The following F13B variants were observed in gnomAD, a reference collection of about 807,000 sequenced individuals.
F13B encodes the protein coagulation factor XIII B chain.
A neutral mutation model predicts 79.8 loss-of-function variants in F13B; 58 were observed. That is an observed-to-expected ratio of 0.73 (90% CI 0.59 to 0.90). F13B has a LOEUF of 0.90. F13B is among the 40% of genes least tolerant of loss of function. F13B has a pLI of 0.00. For missense variants in F13B, 773 were observed against 777.0 expected (o/e 0.99, Z 0.06); for synonymous variants, 283 against 260.3 (o/e 1.09, Z -0.84).
At chr1:197,048,319 C>A (rs1655309685) in intron 10 of F13B, among the ~76,000 whole-genome samples, 1 of 151,392 alleles carries the variant, frequency 6.6e-6, no homozygotes, top group African/African-American at 2.4e-5. Flanking sequence ...TAGACTATTC[C>A]ATTACAAGGG....
At chr1:197,046,913 G>T (rs1655254565) in intron 10 of F13B, among the ~76,000 whole-genome samples, 1 of 152,096 alleles carries the variant, frequency 6.6e-6, no homozygotes, top group African/African-American at 2.4e-5. Flanking sequence ...AATGGGAAAT[G>T]ATTTCCTATT....
Position 197,052,665 on chromosome 1 carries a change from T to C in F13B, c.1524A>G (p.Gly508=), listed in dbSNP as rs1655490336. ...LSELSVQCNR[G]EVKYPLCTRK... is the part of the protein sequence containing the mutation. Reference sequence around the variant, plus strand: ...TAGTACATAAAGGATATTTCACTTCTCCTCTGTTGCACTGCACAGATAATT... The same window carrying C: ...TAGTACATAAAGGATATTTCACTTCCCCTCTGTTGCACTGCACAGATAATT... Residue 508 remains glycine (G), a synonymous_variant, in exon 9 of 12, where the codon GGA becomes GGG. Transcript: ENST00000367412. 1.9e-6 allele frequency: 3 copies of C among 1,611,386 alleles called. No homozygotes were observed. Among genetic ancestry groups the C allele is most frequent in the Admixed American group, 3.3e-5 (2 of 59,802 alleles).
chr1:197,051,561 CTCTGATAG>C (rs1439138641), intron 9 of F13B, among the ~76,000 whole-genome samples: 1 of 152,042 alleles, frequency 6.6e-6, no homozygotes, highest in Non-Finnish European at 1.5e-5. Flanking sequence ...GTGATCAATT[CTCTGATAG>C]TCTGGCAACA....
intron 7 of F13B, among the ~76,000 whole-genome samples, chr1:197,056,162 A>G (rs1346961633): frequency 2.0e-5 from 3 of 152,132 alleles, no homozygotes; most frequent in Non-Finnish European, 4.4e-5. Context: ...CATTTCTTAA[A>G]CCTATAGAAT....
chr1:197,049,735 G>C (rs1655371101), intron 10 of F13B, among the ~76,000 whole-genome samples: 1 of 151,740 alleles, frequency 6.6e-6, no homozygotes, highest in African/African-American at 2.4e-5. Flanking sequence ...AAACCAGAAA[G>C]GAAAATAACC....
chr1:197,058,142 A>C (rs547745502), intron 5 of F13B, among the ~76,000 whole-genome samples: 35 of 152,230 alleles, frequency 2.3e-4, no homozygotes, highest in Non-Finnish European at 1.9e-4. Flanking sequence ...CTAACACAGC[A>C]GGCATTTTAC....
In F13B at chr1:197,047,329, T is replaced by C. The variant is rs755081013; in HGVS notation, c.1738+3368A>G. Among the ~76,000 whole-genome samples the C allele has an allele frequency of 6.2e-4, 94 of 151,896 alleles. 1 individual carries two copies. The highest frequency in any genetic ancestry group is 8.2e-4 in the Non-Finnish European group (56 of 67,962). ...AGTTTACGAGAAAAAAACAACCCCA[T>C]CAAAAAGTGGGCAAAGGATACGAAC... On this transcript the variant is annotated intron_variant, in intron 10 of 11. Coordinates refer to ENST00000367412, the MANE Select transcript of F13B (RefSeq NM_001994.3).
In F13B at chr1:197,061,871, A is replaced by G. The variant is rs1248042126; in HGVS notation, c.364T>C (p.Tyr122His). 11 of 1,613,196 alleles carry G rather than the reference A, an allele frequency of 6.8e-6. No individual in the cohort carries two copies. Among genetic ancestry groups the G allele is most frequent in the Non-Finnish European group, 9.3e-6 (11 of 1,179,602 alleles). The change falls in exon 3 of 12, where the codon TAC (tyrosine) becomes CAC (histidine). Residue 122 changes from tyrosine to histidine, a missense_variant. Transcript: ENST00000367412. ...ENMRYGCASG[Y>H]KTTGGKDEEV... ...TCATCCTTCCCTCCAGTGGTTTTGT[A>G]CCCTGAAGCGCAACCATAACGCATG...
At chr1:197,050,958 G>A in intron 9 of F13B, 79 bp from the exon 10 acceptor site, 4 of 1,204,564 alleles carry the variant, frequency 3.3e-6, no homozygotes, top group Non-Finnish European at 4.8e-6. Context: ...CAGAGACAGA[G>A]TCTCCCTCTG....
At chr1:197,064,202 A>G (rs1442818276) in intron 1 of F13B, among the ~76,000 whole-genome samples, 7 of 152,318 alleles carry the variant, frequency 4.6e-5, no homozygotes, top group Non-Finnish European at 5.9e-5. Context: ...GCATATTTCT[A>G]CAACTGAAAG....
chr1:197,050,695 A>T lies in F13B; in HGVS notation c.1738+2T>A. ...GTTAGAGGCATATTTAGTAGTACAT[A>T]CCTAAACACAATGGTGGTGTAGTCC... On this transcript the variant is annotated splice_donor_variant, in intron 10 of 11. Transcript: ENST00000367412. LOFTEE classifies it high-confidence loss of function. 1 of 1,612,490 alleles carries T rather than the reference A, an allele frequency of 6.2e-7. No homozygotes were observed. The highest frequency in any genetic ancestry group is 8.5e-7 in the Non-Finnish European group (1 of 1,178,946).
At chr1:197,056,351 A>G (rs1655641413) in intron 7 of F13B, among the ~76,000 whole-genome samples, 1 of 151,914 alleles carries the variant, frequency 6.6e-6, no homozygotes, top group South Asian at 2.1e-4. Context: ...CTATTTCTTT[A>G]GCATCCTTCA....
At chr1:197,063,115 G>A (rs971093560) in intron 1 of F13B, 58 bp from the exon 2 acceptor site, 3 of 1,464,106 alleles carry the variant, frequency 2.0e-6, no homozygotes, top group East Asian at 2.3e-5. Context: ...ACATAAATTT[G>A]TAATCAGGTG....
intron 7 of F13B, among the ~76,000 whole-genome samples, chr1:197,056,750 A>G (rs944709150): frequency 1.3e-5 from 2 of 152,204 alleles, no homozygotes; most frequent in Admixed American, 6.6e-5. Context: ...GGCATGACAC[A>G]GATCAGATAA....
At chr1:197,039,950 T>TAATTTATATATAGTG (rs1654977834) in intron 11 of F13B, among the ~76,000 whole-genome samples, 2 of 152,002 alleles carry the variant, frequency 1.3e-5, no homozygotes, top group Admixed American at 6.6e-5. Context: ...TCAAAAAGGG[T>TAATTTATATATAGTG]TAAAATTGTG....
In F13B at chr1:197,061,049, T is replaced by C. The variant is rs1370801936; in HGVS notation, c.478A>G (p.Asn160Asp). Reference sequence around the variant, plus strand: ...TTCTGTGTTGTGGAATAATTTCCATTATATAATTCAGGAGCCAAACATGTT... The same window carrying C: ...TTCTGTGTTGTGGAATAATTTCCATCATATAATTCAGGAGCCAAACATGTT... ...HETCLAPELY[N>D]GNYSTTQKTF... The change falls in exon 4 of 12, where the codon AAT (asparagine) becomes GAT (aspartate). Residue 160 changes from asparagine to aspartate, a missense_variant. Physicochemically the swap from Asn to Asp is conservative, Grantham distance 23. Coordinates refer to ENST00000367412, the MANE Select transcript of F13B (RefSeq NM_001994.3). 6 of 1,578,840 alleles carry C rather than the reference T, an allele frequency of 3.8e-6. No homozygotes were observed. The highest frequency in any genetic ancestry group is 5.2e-6 in the Non-Finnish European group (6 of 1,155,360).
chr1:197,040,340 G>T, intron 11 of F13B, 182 bp downstream of exon 11: 2 of 566,484 alleles, frequency 3.5e-6, no homozygotes, highest in Middle Eastern at 4.8e-4. Context: ...AATTCAGAAG[G>T]CCTGTTGAAT....
chr1:197,053,463 A>T (rs1297601826), intron 8 of F13B, among the ~76,000 whole-genome samples: 1 of 152,012 alleles, frequency 6.6e-6, no homozygotes, highest in African/African-American at 2.4e-5. Context: ...TTCCCTGCAC[A>T]TGCTCTCTTG....
chr1:197,064,769 T>C (rs980501373), intron 1 of F13B, among the ~76,000 whole-genome samples: 7 of 152,120 alleles, frequency 4.6e-5, no homozygotes, highest in Admixed American at 4.6e-4. Context: ...TATCTTTATG[T>C]TGAAGATCTT....
Sources: allele counts gnomAD v4.1 joint callset (sites outside exome capture counted in the v4.1 genomes callset), GRCh38; gene constraint gnomAD v4.1.1; transcripts MANE v1.5; gene names NCBI Gene and HGNC (gene_info 2026-07-23, HGNC 2026-07-21).